Variants in SMAD7 observed in about 807,000 individuals in gnomAD.
SMAD7 encodes SMAD family member 7.
In SMAD7, 8 loss-of-function variants were observed where a neutral mutation model predicts 38.7. The ratio of observed to expected loss-of-function variants is 0.21; its 90% CI spans 0.12 to 0.37. The LOEUF is 0.37. Ranked by LOEUF, SMAD7 falls within the 10% of genes least tolerant of loss-of-function variation. SMAD7 has a pLI of 1.00. For missense variants in SMAD7, 477 were observed against 577.9 expected (o/e 0.83, Z 1.79); for synonymous variants, 327 against 265.1 (o/e 1.23, Z -2.27).
At position 48,948,409 on chromosome 18, in the gene SMAD7, G is replaced by A. The variant is rs749748277; in HGVS notation, c.642C>T (p.Tyr214=). 4 of 1,601,564 alleles carry A rather than the reference G, an allele frequency of 2.5e-6. No homozygotes were observed. Among genetic ancestry groups the A allele is most frequent in the African/African-American group, 1.4e-5 (1 of 74,058 alleles). ...CAGTTGGTTTGAGAAAATCCATCGG[G>A]TATCTGGAGTAAGGAGGGGGGGGAG... is the stretch of plus-strand genomic sequence containing the variant. The part of the protein sequence containing the change: ...LESPPPPYSR[Y]PMDFLKPTAD... Residue 214 remains tyrosine (Y), a synonymous_variant, in exon 2 of 4, where the codon TAC becomes TAT. Transcript: ENST00000262158.
At chr18:48,942,785 C>A in intron 2 of SMAD7, 4 of 1,378,638 alleles carry the variant, frequency 2.9e-6, no homozygotes, top group Non-Finnish European at 3.7e-6. Flanking sequence ...TTAATCATTA[C>A]TCGAGTCAGG....
chr18:48,936,941 C>T (rs1168356494), intron 3 of SMAD7, among the ~76,000 whole-genome samples: 6 of 152,028 alleles, frequency 3.9e-5, no homozygotes, highest in Non-Finnish European at 7.4e-5. Flanking sequence ...ATTAGCCGGG[C>T]GTGGTGGTGC....
At chr18:48,933,207 T>C (rs909092882) in intron 3 of SMAD7, among the ~76,000 whole-genome samples, 4 of 152,194 alleles carry the variant, frequency 2.6e-5, no homozygotes, top group Non-Finnish European at 5.9e-5. Context: ...TAGAAGTGGA[T>C]GACTCAAGAG....
chr18:48,940,807 CAAAAAAGA>C (rs1166991674), intron 3 of SMAD7, among the ~76,000 whole-genome samples: 3 of 127,000 alleles, frequency 2.4e-5, no homozygotes, highest in African/African-American at 8.9e-5. Flanking sequence ...GAGACTTTGT[CAAAAAAGA>C]AAAAAAAAAA....
chr18:48,920,730 G>A lies in SMAD7; in HGVS notation c.*642C>T, dbSNP rs762864884. On this transcript the variant is annotated 3_prime_UTR_variant, in exon 4 of 4. Transcript: ENST00000262158. ...ATTGGTTCTGGTTCGGCCACTAGCA[G>A]GCTCGCTGCTCAGAAGCCTGTGGAC... The A allele has an allele frequency of 6.6e-6, 1 of 152,366 alleles. No individual in the cohort carries two copies. The highest frequency in any genetic ancestry group is 1.5e-5 in the Non-Finnish European group (1 of 68,160). 9.4% of individuals were successfully genotyped at this position (152,366 alleles called of 1,614,324 possible).
intron 2 of SMAD7, 122 bp downstream of exon 2, chr18:48,948,262 A>G: frequency 1.7e-6 from 1 of 598,414 alleles, no homozygotes; most frequent in Non-Finnish European, 2.9e-6. Flanking sequence ...AACAGAGGAA[A>G]CCTAGAACCA....
At chr18:48,932,819 T>C (rs545048477) in intron 3 of SMAD7, among the ~76,000 whole-genome samples, 1 of 152,334 alleles carries the variant, frequency 6.6e-6, no homozygotes, top group Admixed American at 6.5e-5. Flanking sequence ...ATCCCCCAGA[T>C]GGTCTTCGTT....
chr18:48,944,094 T>G (rs942987835), intron 2 of SMAD7, among the ~76,000 whole-genome samples: 1 of 152,070 alleles, frequency 6.6e-6, no homozygotes, highest in Non-Finnish European at 1.5e-5. Context: ...CAGAAAACAA[T>G]AGAGGCAGGC....
At chr18:48,929,370 A>G (rs2069965358) in intron 3 of SMAD7, among the ~76,000 whole-genome samples, 1 of 152,142 alleles carries the variant, frequency 6.6e-6, no homozygotes, top group Non-Finnish European at 1.5e-5. Flanking sequence ...AGCATGGAAC[A>G]GAAAGTCTGT....
intron 3 of SMAD7, among the ~76,000 whole-genome samples, chr18:48,936,023 C>T (rs1000153829): frequency 6.6e-6 from 1 of 150,904 alleles, no homozygotes; most frequent in South Asian, 2.1e-4. Flanking sequence ...TGTAGTGAGC[C>T]GAGATCACGC....
intron 3 of SMAD7, among the ~76,000 whole-genome samples, chr18:48,932,892 T>C (rs561229871): frequency 5.3e-5 from 8 of 152,298 alleles, no homozygotes; most frequent in African/African-American, 1.7e-4. Context: ...AACATCCCAC[T>C]TCTCCTCTGG....
At chr18:48,942,668 C>G (rs758533361) in intron 2 of SMAD7, 113 bp from the exon 3 acceptor site, 1 of 1,583,970 alleles carries the variant, frequency 6.3e-7, no homozygotes, top group Non-Finnish European at 8.5e-7. Context: ...TTCCAAAAGG[C>G]TGACTCGCGG....
chr18:48,926,549 A>C (rs996439854), intron 3 of SMAD7, among the ~76,000 whole-genome samples: 3 of 152,250 alleles, frequency 2.0e-5, no homozygotes, highest in African/African-American at 7.2e-5. Flanking sequence ...GCAGAGCAGA[A>C]GGCTGAGGAC....
chr18:48,946,615 T>C (rs2070198986), intron 2 of SMAD7, among the ~76,000 whole-genome samples: 1 of 152,276 alleles, frequency 6.6e-6, no homozygotes, highest in Non-Finnish European at 1.5e-5. Context: ...AGTTTCCGAT[T>C]GGCAGGTTAA....
intron 3 of SMAD7, among the ~76,000 whole-genome samples, chr18:48,935,467 C>T (rs913327012): frequency 2.0e-5 from 3 of 152,188 alleles, no homozygotes; most frequent in African/African-American, 7.2e-5. Context: ...GGAGGGTGCC[C>T]GGGCCAGTCA....
intron 1 of SMAD7, among the ~76,000 whole-genome samples, chr18:48,948,673 G>T (rs1328514391): frequency 1.3e-5 from 2 of 152,234 alleles, no homozygotes; most frequent in African/African-American, 4.8e-5. Flanking sequence ...CGCCGCGCTC[G>T]GCTGGCCCGG....
intron 3 of SMAD7, among the ~76,000 whole-genome samples, chr18:48,923,953 C>T (rs994052432): frequency 1.3e-5 from 2 of 152,140 alleles, no homozygotes; most frequent in Non-Finnish European, 2.9e-5. Context: ...AACTTGTGAG[C>T]GCTGGCAATC....
intron 3 of SMAD7, among the ~76,000 whole-genome samples, chr18:48,925,703 G>C (rs2069918461): frequency 6.6e-6 from 1 of 152,098 alleles, no homozygotes; most frequent in Non-Finnish European, 1.5e-5. Flanking sequence ...CAGGCCTCAA[G>C]GCCACATTTT....
rs199654760 is a variant in SMAD7 at position 48,921,546 on chromosome 18, G to A, written c.1107C>T (p.Phe369=). Residue 369 remains phenylalanine, a synonymous_variant, in exon 4 of 4, where the codon TTC becomes TTT. Transcript: ENST00000262158. The surrounding 1 kb of genome is among the most constrained non-coding windows in gnomAD (Gnocchi z 6.4). ...GCAGGCTGTACGCCTTCTCGTAGTC[G>A]AAAGCCTTGATGGAGAAACCGGGGA... ...KVFPGFSIKA[F]DYEKAYSLQR... is the part of the protein sequence containing the mutation. 2.7e-5 allele frequency: 44 copies of A among 1,614,230 alleles called. No homozygotes were observed. Among genetic ancestry groups the A allele is most frequent in the Admixed American group, 1.2e-4 (7 of 60,036 alleles).
Sources: gnomAD v4.1 joint callset for allele counts (sites outside exome capture counted in the v4.1 genomes callset) on GRCh38, gnomAD v4.1.1 for gene constraint, Gnocchi (gnomAD v3.1) non-coding constraint, MANE v1.5 for transcripts, NCBI Gene and HGNC (gene_info 2026-07-23, HGNC 2026-07-21) for gene names.